Variants in KIT observed in about 807,000 individuals in gnomAD.
The protein encoded by KIT is mast/stem cell growth factor receptor Kit.
A neutral mutation model predicts 105.7 loss-of-function variants in KIT; 16 were observed. That is an observed-to-expected ratio of 0.15 (90% CI 0.10 to 0.23). KIT has a LOEUF of 0.23. Ranked by LOEUF, KIT falls within the 10% of genes least tolerant of loss-of-function variation. The pLI is 1.00. For missense variants in KIT, 858 were observed against 1,213.8 expected, an observed-to-expected ratio of 0.71 and a Z score of 4.36; for synonymous variants, 438 against 441.1, an observed-to-expected ratio of 0.99 and a Z score of 0.09.
rs775239202 is a variant in KIT, at chr4:54,725,873, C to T, written c.1363C>T (p.Leu455=). ...GTEQRCSASV[L]PVDVQTLNSS... is the part of the protein sequence containing the mutation. ...TCCCTTTAGATGCTCTGCTTCTGTA[C>T]TGCCAGTGGATGTGCAGACACTAAA... The change falls in exon 9 of 21, where the codon CTG becomes TTG. Residue 455 remains leucine, a synonymous_variant. Coordinates refer to ENST00000288135, the MANE Select transcript of KIT (RefSeq NM_000222.3). The T allele has an allele frequency of 8.1e-6, 13 of 1,614,090 alleles. No individual in the cohort carries two copies. In the East Asian group the frequency reaches 8.9e-5, roughly 11 times the overall value.
chr4:54,728,247 C>G, intron 13 of KIT, 126 bp downstream of exon 13: 1 of 742,088 alleles, frequency 1.3e-6, no homozygotes, highest in East Asian at 2.7e-5. Context: ...CTGTTGTTCT[C>G]TCTTGCTAGA....
intron 1 of KIT, among the ~76,000 whole-genome samples, chr4:54,662,856 A>G (rs907725744): frequency 1.3e-5 from 2 of 152,146 alleles, no homozygotes; most frequent in Non-Finnish European, 2.9e-5. Flanking sequence ...TACAGGCATG[A>G]GCCACCATGC....
chr4:54,684,461 C>T (rs931860296), intron 1 of KIT, among the ~76,000 whole-genome samples: 1 of 152,152 alleles, frequency 6.6e-6, no homozygotes, highest in African/African-American at 2.4e-5. Context: ...AGGAGCCCTT[C>T]TAGTCATCCC....
At chr4:54,698,165 G>T in intron 2 of KIT, 119 bp from the exon 3 acceptor site, 1 of 1,064,038 alleles carries the variant, frequency 9.4e-7, no homozygotes, top group Admixed American at 2.0e-5. Flanking sequence ...TGTTTACACA[G>T]AAAAAAGCAG....
chr4:54,730,497 T>C (rs570517739), intron 14 of KIT, among the ~76,000 whole-genome samples: 97 of 152,236 alleles, frequency 6.4e-4, no homozygotes, highest in African/African-American at 2.3e-3. Context: ...TCCTATAAAC[T>C]TGAGTAGTTT....
At chr4:54,696,563 T>C (rs1720081993) in intron 2 of KIT, among the ~76,000 whole-genome samples, 2 of 152,250 alleles carry the variant, frequency 1.3e-5, no homozygotes, top group Non-Finnish European at 2.9e-5. Flanking sequence ...TGAGAGGCCT[T>C]ATCCATGGTA....
At chr4:54,728,536 A>T (rs1457806373) in intron 13 of KIT, among the ~76,000 whole-genome samples, 1 of 152,234 alleles carries the variant, frequency 6.6e-6, no homozygotes, top group Admixed American at 6.5e-5. Context: ...AATGAGGCAA[A>T]CATTTCACTT....
At position 54,711,323 on chromosome 4, in the gene KIT, C is replaced by T. The variant is rs367543380; in HGVS notation, c.1231+1784C>T. Among the ~76,000 whole-genome samples, 143 of 152,268 alleles carry T rather than the reference C, an allele frequency of 9.4e-4. 3 individuals carry two copies. In the South Asian group the frequency reaches 0.028, roughly 30 times the overall value. On this transcript the variant is annotated intron_variant, in intron 7 of 20. Transcript: ENST00000288135. ...CAGAGTCTTTTGACTATGAACATTTCAAAAATTGTGTTTTCTGAATAAGAC... is the reference window on the plus strand; with the variant it reads ...CAGAGTCTTTTGACTATGAACATTTTAAAAATTGTGTTTTCTGAATAAGAC...
intron 1 of KIT, among the ~76,000 whole-genome samples, chr4:54,684,801 T>C (rs1719198534): frequency 6.6e-6 from 1 of 152,222 alleles, no homozygotes; most frequent in Admixed American, 6.5e-5. Context: ...GAGATCCTGG[T>C]TTGACTACTG....
Position 54,679,938 on chromosome 4 carries a change from C to T in KIT, c.68-15574C>T, listed in dbSNP as rs1050403614. Among the ~76,000 whole-genome samples the T allele has an allele frequency of 4.6e-5, 7 of 152,132 alleles. No individual in the cohort carries two copies. In the East Asian group the frequency reaches 9.6e-4, roughly 21 times the overall value. On this transcript the variant is annotated intron_variant, in intron 1 of 20. Coordinates refer to ENST00000288135, the MANE Select transcript of KIT (RefSeq NM_000222.3). ...AAAGGACAAATAGTGTGTGATTCCA[C>T]TTATATGAGGTACCTAGAATAATGA...
chr4:54,691,370 G>C (rs1181776204), intron 1 of KIT, among the ~76,000 whole-genome samples: 1 of 152,166 alleles, frequency 6.6e-6, no homozygotes, highest in African/African-American at 2.4e-5. Flanking sequence ...GGCTGCCTCT[G>C]TTGGTGGGAT....
chr4:54,721,250 G>A (rs146716721), intron 7 of KIT, among the ~76,000 whole-genome samples: 270 of 152,310 alleles, frequency 1.8e-3, no homozygotes, highest in Admixed American at 3.4e-3. Flanking sequence ...GACCAGCTTG[G>A]CATCAGAGAG....
chr4:54,739,061 G>T lies in KIT; in HGVS notation c.*504G>T, dbSNP rs889448329. ...GGGCTTAAGAAATCTAGTATTTCAT[G>T]CTGGGAATGAGACATAGGCCATGAA... is the stretch of plus-strand genomic sequence containing the variant. On this transcript the variant is annotated 3_prime_UTR_variant, in exon 21 of 21. Transcript: ENST00000288135. 1.6e-5 allele frequency: 7 copies of T among 424,386 alleles called. No individual in the cohort carries two copies. The highest frequency in any genetic ancestry group is 1.4e-4 in the African/African-American group (7 of 49,220). The allele number at this position is 424,386 out of a possible 1,614,324, so 26.3% of individuals were successfully genotyped here.
chr4:54,666,359 A>G (rs1318858879), intron 1 of KIT, among the ~76,000 whole-genome samples: 1 of 152,054 alleles, frequency 6.6e-6, no homozygotes, highest in Non-Finnish European at 1.5e-5. Flanking sequence ...CGCTCACTGC[A>G]GCCTCCACCT....
In KIT at chr4:54,657,989, G is replaced by A. The variant is rs1198654363; in HGVS notation, c.-26G>A. ...GGCGAGAGCTGGAACGTGGACCAGA[G>A]CTCGGATCCCATCGCAGCTACCGCG... On this transcript the variant is annotated 5_prime_UTR_variant, in exon 1 of 21. Coordinates refer to ENST00000288135, the MANE Select transcript of KIT (RefSeq NM_000222.3). 2.5e-6 allele frequency: 4 copies of A among 1,611,866 alleles called. No homozygotes were observed. Among genetic ancestry groups the A allele is most frequent in the Non-Finnish European group, 2.5e-6 (3 of 1,178,400 alleles).
intron 14 of KIT, among the ~76,000 whole-genome samples, chr4:54,730,403 G>T (rs1187408825): frequency 6.6e-6 from 1 of 152,094 alleles, no homozygotes; most frequent in Non-Finnish European, 1.5e-5. Context: ...AAATATTATT[G>T]ATGGGCAATT....
At chr4:54,713,894 C>T (rs1721308236) in intron 7 of KIT, among the ~76,000 whole-genome samples, 1 of 152,150 alleles carries the variant, frequency 6.6e-6, no homozygotes, top group African/African-American at 2.4e-5. Context: ...CCATGATTTA[C>T]ATGGGCCTAT....
rs74997287 is a variant in KIT, at chr4:54,668,786, A to C, written c.67+10705A>C. On this transcript the variant is annotated intron_variant, in intron 1 of 20. Coordinates refer to ENST00000288135, the MANE Select transcript of KIT (RefSeq NM_000222.3). ...AATAAAACAAGACTATGTTAAAAAG[A>C]TCTTGAGAATTCTACTTGGAAAGAC... 8.3e-3 allele frequency among the ~76,000 whole-genome samples: 1,266 copies of C among 152,344 alleles called. 10 individuals carry two copies. Among genetic ancestry groups the C allele is most frequent in the Non-Finnish European group, 0.013 (903 of 68,036 alleles).
intron 1 of KIT, among the ~76,000 whole-genome samples, chr4:54,684,285 T>G (rs1373329558): frequency 1.3e-5 from 2 of 152,060 alleles, no homozygotes; most frequent in Non-Finnish European, 2.9e-5. Context: ...TGGGAAACAC[T>G]TCGTCTCACA....
Sources: allele counts gnomAD v4.1 joint callset (sites outside exome capture counted in the v4.1 genomes callset), GRCh38; gene constraint gnomAD v4.1.1; transcripts MANE v1.5; gene names NCBI Gene and HGNC (gene_info 2026-07-23, HGNC 2026-07-21).